TST: variants seen among roughly 807,000 people sequenced by gnomAD.
The protein encoded by TST is thiosulfate sulfurtransferase.
A neutral mutation model predicts 20.4 loss-of-function variants in TST; 22 were observed. The observed-to-expected ratio is 1.08, with a 90% CI of 0.77 to 1.54. TST has a LOEUF of 1.54. Among genes scored for constraint, TST ranks in the 40% most tolerant of loss-of-function variants. TST has a pLI of 0.00. For synonymous variants in TST, 187 were observed against 173.8 expected (o/e 1.08, Z -0.60); for missense variants, 392 against 405.2 (o/e 0.97, Z 0.28).
intron 2 of TST, among the ~76,000 whole-genome samples, chr22:37,012,913 G>A (rs976694135): frequency 6.6e-6 from 1 of 152,146 alleles, no homozygotes; most frequent in Non-Finnish European, 1.5e-5. Flanking sequence ...ATGGTGGCAT[G>A]CGCCTGTAAT....
intron 2 of TST, among the ~76,000 whole-genome samples, chr22:37,014,686 C>T (rs1187629780): frequency 6.6e-6 from 1 of 152,204 alleles, no homozygotes; most frequent in Non-Finnish European, 1.5e-5. Context: ...GATTGGTCTG[C>T]CCCCAACGCC....
chr22:37,010,995 C>A lies in TST; in HGVS notation c.*32G>T. ...GTAAGTCATGGGGTCACTAAACCGG[C>A]CGCAGTTACAGTAAGCAGAAGAGGT... On this transcript the variant is annotated 3_prime_UTR_variant, in exon 3 of 3. Coordinates refer to ENST00000249042, the MANE Select transcript of TST (RefSeq NM_003312.6). The A allele has an allele frequency of 1.3e-6, 2 of 1,581,288 alleles. No homozygotes were observed. The highest frequency in any genetic ancestry group is 1.7e-6 in the Non-Finnish European group (2 of 1,160,516).
intron 2 of TST, among the ~76,000 whole-genome samples, chr22:37,014,406 G>A (rs1922599027): frequency 1.3e-5 from 2 of 152,224 alleles, no homozygotes; most frequent in South Asian, 4.1e-4. Context: ...ACAGCCAGTT[G>A]GTGGAAAGGC....
At chr22:37,012,569 C>T (rs1388092006) in intron 2 of TST, among the ~76,000 whole-genome samples, 1 of 152,226 alleles carries the variant, frequency 6.6e-6, no homozygotes. Context: ...CTCTTTGAGC[C>T]CTCCTTGCTC....
upstream of TST, chr22:37,020,006 A>C: frequency 2.3e-6 from 1 of 436,202 alleles, no homozygotes; most frequent in Non-Finnish European, 3.8e-6. Flanking sequence ...GCGCGCCGCT[A>C]CGTTGGCACT....
chr22:37,018,451 C>T lies in TST; in HGVS notation c.282G>A (p.Thr94=), dbSNP rs915444501. The change falls in exon 2 of 3, where the codon ACG becomes ACA. Residue 94 remains threonine, a synonymous_variant. Coordinates refer to ENST00000249042, the MANE Select transcript of TST (RefSeq NM_003312.6). The part of the protein sequence containing the change: ...YVGRLGISNH[T]HVVVYDGEHL... ...GTTCACCATCATACACCACCACGTG[C>T]GTGTGGTTGCTGATGCCCAGGCGGC... 2 of 1,613,018 alleles carry T rather than the reference C, an allele frequency of 1.2e-6. No homozygotes were observed. The highest frequency in any genetic ancestry group is 1.7e-6 in the Non-Finnish European group (2 of 1,179,834).
upstream of TST, chr22:37,019,920 G>T: frequency 1.0e-6 from 1 of 1,001,192 alleles, no homozygotes. Flanking sequence ...GGGAGGGAGT[G>T]GCTCTTTGGG....
chr22:37,018,774 G>A (rs1201170919), intron 1 of TST, 21 bp from the exon 2 acceptor site: 1 of 1,434,896 alleles, frequency 7.0e-7, no homozygotes. Context: ...TGGGAACCAG[G>A]AAAGAGAGAC....
At chr22:37,019,359 G>GCGGCCCAGGCGCC (rs1380750077) in intron 1 of TST, 41 bp downstream of exon 1, 1 of 151,662 alleles carries the variant, frequency 6.6e-6, no homozygotes, top group Non-Finnish European at 1.5e-5. Context: ...GGCCCGACCG[G>GCGGCCCAGGCGCC]CGGCCCAGGC....
At chr22:37,019,949 C>T (rs1403656661), upstream of TST, 12 of 704,408 alleles carry the variant, frequency 1.7e-5, no homozygotes, top group Admixed American at 5.2e-4. Flanking sequence ...GCGCGGGGCT[C>T]CCGCGCGGGA....
Position 37,018,159 on chromosome 22 carries a change from C to G in TST, c.574G>C (p.Glu192Gln), listed in dbSNP as rs746619165. 6.4e-7 allele frequency: 1 copy of G among 1,563,246 alleles called. No individual in the cohort carries two copies. Among genetic ancestry groups the G allele is most frequent in the East Asian group, 2.3e-5 (1 of 44,320 alleles). ...CTACCTACTGCATCCGGCTCCGGCT[C>G]GGTGCCCAGGAACCGCCCTTGAGAC... ...SRSQGRFLGTEPEPDAVGLDS... is the reference protein window; with the variant it reads ...SRSQGRFLGTQPEPDAVGLDS... The change falls in exon 2 of 3, where the codon GAG becomes CAG. Residue 192 changes from glutamate (E) to glutamine (Q), a missense_variant. Glu to Gln is a conservative substitution (Grantham distance 29, BLOSUM62 2). Transcript: ENST00000249042.
At chr22:37,013,037 C>T (rs5756481) in intron 2 of TST, among the ~76,000 whole-genome samples, 73,933 of 148,888 alleles carry the variant, frequency 0.5, 18,224 homozygotes, top group Middle Eastern at 0.58. Context: ...AGCGAGACTC[C>T]GTCTCAAAGA....
chr22:37,012,205 G>A (rs1922505011), intron 2 of TST, among the ~76,000 whole-genome samples: 1 of 152,224 alleles, frequency 6.6e-6, no homozygotes, highest in Non-Finnish European at 1.5e-5. Context: ...CATGGAGGGG[G>A]TAGGGGGAGA....
At chr22:37,011,907 C>A (rs1054128434) in intron 2 of TST, among the ~76,000 whole-genome samples, 1 of 152,222 alleles carries the variant, frequency 6.6e-6, no homozygotes, top group African/African-American at 2.4e-5. Flanking sequence ...TCACCTAAGG[C>A]CACACAGAAA....
upstream of TST, chr22:37,019,892 G>A (rs1922926812): frequency 1.7e-6 from 2 of 1,199,264 alleles, no homozygotes; most frequent in African/African-American, 3.1e-5. Context: ...GCGGCGTGGC[G>A]GCTTGCCTTT....
At position 37,018,363 on chromosome 22, in the gene TST, C is replaced by T. The variant is rs147266371; in HGVS notation, c.370G>A (p.Val124Ile). Residue 124 changes from valine (V) to isoleucine (I), a missense_variant, in exon 2 of 3, where the codon GTA becomes ATA. By Grantham distance (29) the Val-to-Ile change is conservative. Transcript: ENST00000249042. Reference sequence around the variant, plus strand: ...CGGAAGCCACCATTGAGCACTGATACGGTGCGGTGGCCAAACACACGGAAC... The same window carrying T: ...CGGAAGCCACCATTGAGCACTGATATGGTGCGGTGGCCAAACACACGGAAC... ...WMFRVFGHRT[V>I]SVLNGGFRNW... is the part of the protein sequence containing the mutation. 1.7e-4 allele frequency: 281 copies of T among 1,613,856 alleles called. No individual in the cohort carries two copies. The highest frequency in any genetic ancestry group is 8.9e-5 in the Non-Finnish European group (105 of 1,180,032).
At chr22:37,015,648 ATTCC>A (rs1291822257) in intron 2 of TST, among the ~76,000 whole-genome samples, 2 of 152,356 alleles carry the variant, frequency 1.3e-5, no homozygotes, top group East Asian at 3.9e-4. Flanking sequence ...ATTTAGGGTC[ATTCC>A]TTCCAGAGAT....
At chr22:37,011,474 C>T in intron 2 of TST, 149 bp from the exon 3 acceptor site, 2 of 871,854 alleles carry the variant, frequency 2.3e-6, no homozygotes, top group Non-Finnish European at 3.4e-6. Flanking sequence ...AATTTATTCC[C>T]AGCCCCACCT....
In TST at chr22:37,018,231, C is replaced by T. The variant is rs1226883292; in HGVS notation, c.502G>A (p.Val168Met). The T allele has an allele frequency of 1.2e-6, 2 of 1,613,916 alleles. No individual in the cohort carries two copies. Among genetic ancestry groups the T allele is most frequent in the Non-Finnish European group, 8.5e-7 (1 of 1,179,998 alleles). ...DRSLLKTYEQ[V>M]LENLESKRFQ... ...CTCTTAGATTCAAGGTTCTCCAGCA[C>T]CTGCTCGTAGGTCTTGAGCAGGGAG... is the stretch of plus-strand genomic sequence containing the variant. Residue 168 changes from valine to methionine, a missense_variant, in exon 2 of 3, where the codon GTG (valine) becomes ATG (methionine). Transcript: ENST00000249042.
Sources: allele counts gnomAD v4.1 joint callset (sites outside exome capture counted in the v4.1 genomes callset), GRCh38; gene constraint gnomAD v4.1.1; transcripts MANE v1.5; gene names NCBI Gene and HGNC (gene_info 2026-07-23, HGNC 2026-07-21).